The following MAGI2 variants were observed in gnomAD, a reference collection of about 807,000 sequenced individuals.
MAGI2 encodes the protein membrane associated guanylate kinase, WW and PDZ domain containing 2, also known as membrane-associated guanylate kinase, WW and PDZ domain-containing protein 2.
A neutral mutation model predicts 133.3 loss-of-function variants in MAGI2; 35 were observed. That is an observed-to-expected ratio of 0.26 (90% CI 0.20 to 0.35). The LOEUF (loss-of-function observed/expected upper bound fraction) is 0.35, where lower values mean the gene tolerates loss of function less well. Ranked by LOEUF, MAGI2 falls within the 10% of genes least tolerant of loss-of-function variation. MAGI2 has a pLI of 1.00. For synonymous variants in MAGI2, 729 were observed against 710.6 expected (o/e 1.03, Z -0.41); for missense variants, 1,636 against 1,863.4 (o/e 0.88, Z 2.25).
chr7:78,612,708 C>T (rs984802174), intron 3 of MAGI2, among the ~76,000 whole-genome samples: 2 of 151,750 alleles, frequency 1.3e-5, no homozygotes, highest in Non-Finnish European at 2.9e-5. Context: ...CTCGCTCTGT[C>T]GCCCAGGCCG....
chr7:79,083,922 C>A (rs1488605620), intron 1 of MAGI2, among the ~76,000 whole-genome samples: 3 of 151,536 alleles, frequency 2.0e-5, no homozygotes, highest in African/African-American at 7.3e-5. Context: ...AGAAATGTGT[C>A]CATTTTATTT....
intron 6 of MAGI2, among the ~76,000 whole-genome samples, chr7:78,435,731 G>A (rs930512240): frequency 2.0e-5 from 3 of 151,948 alleles, no homozygotes; most frequent in African/African-American, 7.3e-5. Flanking sequence ...ATTCATCCCC[G>A]GACACATTAG....
At chr7:78,448,346 T>G (rs1788368059) in intron 6 of MAGI2, among the ~76,000 whole-genome samples, 1 of 152,032 alleles carries the variant, frequency 6.6e-6, no homozygotes, top group South Asian at 2.1e-4. Flanking sequence ...TCTGAGGAAC[T>G]TCCATACTAT....
intron 2 of MAGI2, among the ~76,000 whole-genome samples, chr7:78,685,090 A>G (rs1437644952): frequency 6.6e-6 from 1 of 152,188 alleles, no homozygotes; most frequent in Non-Finnish European, 1.5e-5. Context: ...TCAGCCTTAA[A>G]TGTTTCTGTC....
In MAGI2 at chr7:78,256,036, G is replaced by C. The variant is rs780242449; in HGVS notation, c.1954C>G (p.Gln652Glu). ...EGDLIVEINQ[Q>E]NVQNLSHTEV... ...GTATGGCTCAGGTTCTGTACATTCT[G>C]CTGGTTGATCTCAACAATGAGGTCG... is the stretch of plus-strand genomic sequence containing the variant. Residue 652 changes from glutamine to glutamate, a missense_variant, in exon 10 of 22, where the codon CAG becomes GAG. Transcript: ENST00000354212. 1 of 1,613,478 alleles carries C rather than the reference G, an allele frequency of 6.2e-7. No homozygotes were observed. Among genetic ancestry groups the C allele is most frequent in the Non-Finnish European group, 8.5e-7 (1 of 1,179,868 alleles).
intron 2 of MAGI2, among the ~76,000 whole-genome samples, chr7:78,887,012 C>T (rs564247806): frequency 2.0e-5 from 3 of 152,206 alleles, no homozygotes; most frequent in Non-Finnish European, 2.9e-5. Context: ...TTCTTGTCCC[C>T]ATGTGAGGAA....
chr7:78,575,332 C>T (rs1308604110), intron 3 of MAGI2, among the ~76,000 whole-genome samples: 1 of 151,926 alleles, frequency 6.6e-6, no homozygotes, highest in Admixed American at 6.6e-5. Flanking sequence ...TTTGCACCAA[C>T]CTAATGATTG....
chr7:78,167,466 G>A (rs1395590932), intron 15 of MAGI2, among the ~76,000 whole-genome samples: 1 of 152,114 alleles, frequency 6.6e-6, no homozygotes, highest in African/African-American at 2.4e-5. Flanking sequence ...TTCTATATCA[G>A]GAGCAACAGC....
intron 1 of MAGI2, among the ~76,000 whole-genome samples, chr7:79,088,525 G>A (rs1327854209): frequency 6.6e-6 from 1 of 151,984 alleles, no homozygotes; most frequent in Non-Finnish European, 1.5e-5. Context: ...TGATTGCCCT[G>A]GCCAGAACGT....
intron 2 of MAGI2, among the ~76,000 whole-genome samples, chr7:78,967,613 AT>A (rs200790578): frequency 8.3e-4 from 120 of 145,258 alleles, no homozygotes; most frequent in South Asian, 2.1e-3. Flanking sequence ...TTATGAGTTG[AT>A]TTTTTTTTTA....
At chr7:78,352,508 T>C (rs1327233933) in intron 7 of MAGI2, among the ~76,000 whole-genome samples, 1 of 152,214 alleles carries the variant, frequency 6.6e-6, no homozygotes, top group Non-Finnish European at 1.5e-5. Context: ...TCTATAAACG[T>C]CCATTCATTA....
intron 3 of MAGI2, among the ~76,000 whole-genome samples, chr7:78,551,162 A>G (rs1182083755): frequency 2.6e-5 from 4 of 152,228 alleles, no homozygotes; most frequent in East Asian, 1.9e-4. Flanking sequence ...GCTTCCTTGT[A>G]TAGTACAATT....
chr7:78,644,392 A>T (rs538720686), intron 2 of MAGI2, among the ~76,000 whole-genome samples: 36 of 152,274 alleles, frequency 2.4e-4, no homozygotes, highest in East Asian at 1.5e-3. Context: ...ATTTATAAAG[A>T]TAGACCATAT....
At chr7:79,007,684 G>A (rs546728512) in intron 1 of MAGI2, among the ~76,000 whole-genome samples, 2 of 152,068 alleles carry the variant, frequency 1.3e-5, no homozygotes, top group East Asian at 1.9e-4. Flanking sequence ...ATTTTACTTA[G>A]CATAATGTCT....
At chr7:78,196,097 C>T (rs1442855506) in intron 11 of MAGI2, among the ~76,000 whole-genome samples, 6 of 152,136 alleles carry the variant, frequency 3.9e-5, no homozygotes, top group Admixed American at 1.3e-4. Flanking sequence ...TTCTCATTCC[C>T]GAGGACCCAC....
In MAGI2 at chr7:78,515,593, C is replaced by A. The variant is rs190304959; in HGVS notation, c.754+5837G>T. ...ATATGCTAATCGCTGAACAGGCAAA[C>A]AGAAAAATAAAAAAAGTCCTTGTTT... On this transcript the variant is annotated intron_variant, in intron 4 of 21. Transcript: ENST00000354212. 1.5e-4 allele frequency among the ~76,000 whole-genome samples: 23 copies of A among 152,100 alleles called. No individual in the cohort carries two copies. In the East Asian group the frequency reaches 3.3e-3, roughly 22 times the overall value.
In MAGI2 at chr7:78,154,293, A is replaced by G. The variant is rs577138110; in HGVS notation, c.2845+5732T>C. On this transcript the variant is annotated intron_variant, in intron 16 of 21. Transcript: ENST00000354212. Reference sequence around the variant, plus strand: ...ATTGCAGTGGCCTTAGGGAAAGTCAAGAATGACCAGGTCCAAACTTCAACC... The same window carrying G: ...ATTGCAGTGGCCTTAGGGAAAGTCAGGAATGACCAGGTCCAAACTTCAACC... 2.6e-5 allele frequency among the ~76,000 whole-genome samples: 4 copies of G among 152,334 alleles called. 1 individual carries two copies. The South Asian group carries it at 8.3e-4, about 32-fold the overall frequency.
intron 1 of MAGI2, among the ~76,000 whole-genome samples, chr7:79,277,810 A>G (rs970467349): frequency 2.0e-5 from 3 of 152,118 alleles, no homozygotes; most frequent in Admixed American, 6.6e-5. Context: ...ATCTTCTACA[A>G]TCCAGAAATT....
intron 4 of MAGI2, among the ~76,000 whole-genome samples, chr7:78,506,917 T>C (rs1795140956): frequency 6.6e-6 from 1 of 152,222 alleles, no homozygotes; most frequent in Admixed American, 6.5e-5. Context: ...ATGTAGGACA[T>C]CTCTTAAAAA....
Sources: allele counts gnomAD v4.1 joint callset (sites outside exome capture counted in the v4.1 genomes callset), GRCh38; gene constraint gnomAD v4.1.1; transcripts MANE v1.5; gene names NCBI Gene and HGNC (gene_info 2026-07-23, HGNC 2026-07-21).